Variants in FBN3 observed in about 807,000 individuals in gnomAD.
FBN3 encodes the protein fibrillin 3.
FBN3 carries 234 observed loss-of-function variants against 330.1 expected under a neutral mutation model. The ratio of observed to expected loss-of-function variants is 0.71; its 90% CI spans 0.64 to 0.79. FBN3 has a LOEUF of 0.79. Ranked by LOEUF, FBN3 falls within the 30% of genes least tolerant of loss-of-function variation. The pLI, the probability that FBN3 is intolerant of heterozygous loss-of-function variation, is 0.00. For missense variants in FBN3, 3,606 were observed against 3,886.9 expected, an observed-to-expected ratio of 0.93 and a Z score of 1.92; for synonymous variants, 1,458 against 1,517.3, an observed-to-expected ratio of 0.96 and a Z score of 0.91.
chr19:8,131,414 C>A lies in FBN3; in HGVS notation c.1991-126G>T. ...TGGGACTAAGACACAACTCCAACCCCGGGGAGGGAGCAACTCCCTTCAGCC... is the reference window on the plus strand; with the variant it reads ...TGGGACTAAGACACAACTCCAACCCAGGGGAGGGAGCAACTCCCTTCAGCC... On this transcript the variant is annotated intron_variant, in intron 15 of 63. Transcript: ENST00000600128. This position sits in a 1 kb window ranked among gnomAD's most constrained non-coding sequence, Gnocchi z 4.5. 1 of 1,447,182 alleles carries A rather than the reference C, an allele frequency of 6.9e-7. No homozygotes were observed. Among genetic ancestry groups the A allele is most frequent in the Admixed American group, 1.9e-5 (1 of 53,592 alleles). 89.6% of individuals were successfully genotyped at this position (1,447,182 alleles called of 1,614,324 possible).
At position 8,078,581 on chromosome 19, in the gene FBN3, CT is replaced by C. The variant is rs34666054; in HGVS notation, c.7453+2421del. On this transcript the variant is annotated intron_variant, in intron 59 of 63. Coordinates refer to ENST00000600128, the MANE Select transcript of FBN3 (RefSeq NM_032447.5). Reference sequence around the variant, plus strand: ...GCTCACACATCCAGTGAAAACCTTACTTTTTTTTTTTTTAATAGAGATGGGG... The same window carrying C: ...GCTCACACATCCAGTGAAAACCTTACTTTTTTTTTTTTAATAGAGATGGGG... Among the ~76,000 whole-genome samples, 68 of 145,704 alleles carry C rather than the reference CT, an allele frequency of 4.7e-4. 1 individual carries two copies. Among genetic ancestry groups the C allele is most frequent in the East Asian group, 6.1e-4 (3 of 4,950 alleles).
intron 61 of FBN3, among the ~76,000 whole-genome samples, chr19:8,073,948 G>A (rs1023920393): frequency 6.6e-6 from 1 of 152,156 alleles, no homozygotes; most frequent in African/African-American, 2.4e-5. Flanking sequence ...TCCCACAAGA[G>A]TGAACTACCA....
intron 34 of FBN3, among the ~76,000 whole-genome samples, chr19:8,110,372 A>G (rs2082549385): frequency 1.3e-5 from 2 of 152,212 alleles, no homozygotes; most frequent in Admixed American, 1.3e-4. Context: ...ACCCATATAT[A>G]GAAAATACTT....
intron 58 of FBN3, 90 bp from the exon 59 acceptor site, chr19:8,081,209 AG>A (rs2081774277): frequency 1.4e-6 from 2 of 1,477,116 alleles, no homozygotes; most frequent in South Asian, 2.3e-5. Flanking sequence ...CTCCAGGCAG[AG>A]GGGTGACAAG....
chr19:8,075,751 C>G (rs1206098257), intron 59 of FBN3, among the ~76,000 whole-genome samples: 1 of 152,136 alleles, frequency 6.6e-6, no homozygotes, highest in East Asian at 1.9e-4. Flanking sequence ...TTAAATTAAC[C>G]TAATCATGTA....
chr19:8,101,029 C>A (rs1258889951), intron 40 of FBN3, 57 bp from the exon 41 acceptor site: 1 of 1,459,846 alleles, frequency 6.9e-7, no homozygotes, highest in Admixed American at 1.9e-5. Context: ...CCAGCCCGCT[C>A]CCAATCTGGA....
At position 8,065,863 on chromosome 19, in the gene FBN3, C is replaced by G; in HGVS notation, c.*56G>C. ...CATCGCTTCTGGGGATCAGTCCTTC[C>G]CAGTTCCAGAATCCCCCTTCTCTGG... On this transcript the variant is annotated 3_prime_UTR_variant, in exon 64 of 64. Transcript: ENST00000600128. 2.9e-6 allele frequency: 4 copies of G among 1,375,574 alleles called. No homozygotes were observed. In the East Asian group the frequency reaches 9.3e-5, roughly 32 times the overall value. 85.2% of individuals were successfully genotyped at this position (1,375,574 alleles called of 1,614,324 possible). A position where few individuals can be genotyped will look rare whatever the true frequency, so the allele number is the denominator to read the frequency against.
At chr19:8,147,648 G>T (rs1328234263) in intron 1 of FBN3, 151 bp from the exon 2 acceptor site, 4 of 545,398 alleles carry the variant, frequency 7.3e-6, no homozygotes, top group Non-Finnish European at 1.2e-5. Flanking sequence ...ACCGGGAAGC[G>T]GTGAACAGTC....
intron 13 of FBN3, among the ~76,000 whole-genome samples, chr19:8,134,934 A>G (rs924451740): frequency 1.2e-4 from 18 of 149,882 alleles, no homozygotes; most frequent in Non-Finnish European, 5.9e-5. Flanking sequence ...AAAATGAATA[A>G]ATGAATAAAT....
At chr19:8,122,466 A>C (rs2082874689) in intron 24 of FBN3, among the ~76,000 whole-genome samples, 1 of 152,132 alleles carries the variant, frequency 6.6e-6, no homozygotes, top group African/African-American at 2.4e-5. Flanking sequence ...TCCCGGGTTC[A>C]AGTGATTCTC....
rs553698843 is a variant in FBN3, at chr19:8,139,660, C to T, written c.866-1096G>A. ...GGGGTGGATTGACGGCTACAGCCCCCGGGGTGACTGAGGCAGACAGGCTCC... is the reference window on the plus strand; with the variant it reads ...GGGGTGGATTGACGGCTACAGCCCCTGGGGTGACTGAGGCAGACAGGCTCC... On this transcript the variant is annotated intron_variant, in intron 8 of 63. Coordinates refer to ENST00000600128, the MANE Select transcript of FBN3 (RefSeq NM_032447.5). Among the ~76,000 whole-genome samples the T allele has an allele frequency of 7.2e-5, 11 of 152,074 alleles. No individual in the cohort carries two copies. The South Asian group carries it at 1.7e-3, about 23-fold the overall frequency.
intron 34 of FBN3, 102 bp downstream of exon 34, chr19:8,110,743 G>T: frequency 6.7e-7 from 1 of 1,481,938 alleles, no homozygotes; most frequent in Non-Finnish European, 9.3e-7. Flanking sequence ...CTGCAGGGGA[G>T]GATGCTTGAA....
chr19:8,067,436 T>G, intron 63 of FBN3, among the ~76,000 whole-genome samples: 1 of 152,132 alleles, frequency 6.6e-6, no homozygotes, highest in East Asian at 1.9e-4. Flanking sequence ...AAGGCCAGGA[T>G]TTTGAGGTCA....
At chr19:8,085,709 G>T in intron 55 of FBN3, 140 bp from the exon 56 acceptor site, 1 of 629,608 alleles carries the variant, frequency 1.6e-6, no homozygotes, top group Non-Finnish European at 2.7e-6. Flanking sequence ...ACACAGGACA[G>T]ATGGCCCTAG....
chr19:8,134,371 C>G (rs190043553), intron 13 of FBN3, among the ~76,000 whole-genome samples: 1 of 152,158 alleles, frequency 6.6e-6, no homozygotes, highest in Non-Finnish European at 1.5e-5. Flanking sequence ...CTGAATGGAT[C>G]GACACACTGT....
At chr19:8,127,810 C>G (rs1170922627) in intron 18 of FBN3, among the ~76,000 whole-genome samples, 3 of 152,104 alleles carry the variant, frequency 2.0e-5, no homozygotes, top group Non-Finnish European at 4.4e-5. Flanking sequence ...CGATGAAACA[C>G]CATCTCTATT....
At position 8,126,767 on chromosome 19, in the gene FBN3, T is replaced by A; in HGVS notation, c.2362A>T (p.Thr788Ser). Residue 788 changes from threonine to serine, a missense_variant, in exon 19 of 64, where the codon ACC becomes TCC. Coordinates refer to ENST00000600128, the MANE Select transcript of FBN3 (RefSeq NM_032447.5). ...CGGCTGCCAGGGCCACATTTGCAGG[T>A]GTAGGAGCCGGCCAGGTTCCGACAG... The part of the protein sequence containing the change: ...GVCRNLAGSY[T>S]CKCGPGSRLD... 1 of 1,595,000 alleles carries A rather than the reference T, an allele frequency of 6.3e-7. No individual in the cohort carries two copies. Among genetic ancestry groups the A allele is most frequent in the Non-Finnish European group, 8.5e-7 (1 of 1,171,746 alleles).
chr19:8,087,210 A>G lies in FBN3; in HGVS notation c.6621T>C (p.Asp2207=). 1 of 1,587,934 alleles carries G rather than the reference A, an allele frequency of 6.3e-7. No homozygotes were observed. The highest frequency in any genetic ancestry group is 2.3e-5 in the East Asian group (1 of 44,094). ...TLREDGAMCR[D]VDECADGQQD... ...GCTGACCATCTGCACACTCGTCCAC[A>G]TCTTCGGATGACCAGAGACAGATGG... The change falls in exon 54 of 64, where the codon GAT becomes GAC. Residue 2207 remains aspartate, a splice_region_variant and synonymous_variant. Transcript: ENST00000600128.
At chr19:8,083,648 G>T (rs983192948) in intron 56 of FBN3, among the ~76,000 whole-genome samples, 15 of 150,952 alleles carry the variant, frequency 9.9e-5, no homozygotes, top group Middle Eastern at 3.4e-3. Context: ...CCAACATGCA[G>T]AACAGAGACA....
Sources: allele counts gnomAD v4.1 joint callset (sites outside exome capture counted in the v4.1 genomes callset), GRCh38; gene constraint gnomAD v4.1.1; non-coding constraint Gnocchi (gnomAD v3.1); transcripts MANE v1.5; gene names NCBI Gene and HGNC (gene_info 2026-07-23, HGNC 2026-07-21).